The following NRXN1 variants were observed in gnomAD, a reference collection of about 807,000 sequenced individuals.
NRXN1 encodes neurexin 1.
A neutral mutation model predicts 150.9 loss-of-function variants in NRXN1; 39 were observed. The observed-to-expected ratio is 0.26, with a 90% CI of 0.20 to 0.34. NRXN1 has a LOEUF of 0.34. NRXN1 is among the 10% of genes least tolerant of loss of function. The probability of loss-of-function intolerance (pLI) is 1.00; values close to 1 mark genes in which losing one functional copy is unlikely to be tolerated. For missense variants in NRXN1, 1,815 were observed against 1,949.9 expected, an observed-to-expected ratio of 0.93 and a Z score of 1.30; for synonymous variants, 924 against 757.0, an observed-to-expected ratio of 1.22 and a Z score of -3.62.
intron 10 of NRXN1, among the ~76,000 whole-genome samples, chr2:50,532,685 A>G (rs2093149531): frequency 6.6e-6 from 1 of 152,094 alleles, no homozygotes; most frequent in African/African-American, 2.4e-5. Context: ...GCTTGTGAGG[A>G]TGTTTGTTAC....
Position 50,574,724 on chromosome 2 carries a change from T to C in NRXN1, c.1321-21699A>G, listed in dbSNP as rs75596146. 1.6e-4 allele frequency among the ~76,000 whole-genome samples: 24 copies of C among 152,332 alleles called. No homozygotes were observed. The East Asian group carries it at 2.3e-3, about 15-fold the overall frequency. Reference sequence around the variant, plus strand: ...TTCCCCTATGCTGTCAGGATTTGCATTGACAACACCATACGGTAGTATTCT... The same window carrying C: ...TTCCCCTATGCTGTCAGGATTTGCACTGACAACACCATACGGTAGTATTCT... On this transcript the variant is annotated intron_variant, in intron 8 of 22. Coordinates refer to ENST00000401669, the MANE Select transcript of NRXN1 (RefSeq NM_001330078.2).
rs145466093 is a variant in NRXN1 at position 50,055,870 on chromosome 2, C to A, written c.3719-826G>T. 3.2e-3 allele frequency among the ~76,000 whole-genome samples: 487 copies of A among 152,290 alleles called. 4 individuals carry two copies. The highest frequency in any genetic ancestry group is 0.011 in the African/African-American group (465 of 41,572). On this transcript the variant is annotated intron_variant, in intron 19 of 22. Coordinates refer to ENST00000401669, the MANE Select transcript of NRXN1 (RefSeq NM_001330078.2). ...CAGCTTAAGGAACGAATATAAGCCA[C>A]AAACAGTGGCCCCTATTCATAGATC...
At chr2:50,780,793 C>T (rs1290612825) in intron 5 of NRXN1, among the ~76,000 whole-genome samples, 1 of 152,066 alleles carries the variant, frequency 6.6e-6, no homozygotes, top group East Asian at 1.9e-4. Flanking sequence ...TGACTAATCT[C>T]CATTAAAATG....
chr2:50,763,664 C>T (rs554788023), intron 5 of NRXN1, among the ~76,000 whole-genome samples: 1 of 151,960 alleles, frequency 6.6e-6, no homozygotes, highest in Admixed American at 6.6e-5. Flanking sequence ...TCAAAAGATT[C>T]CTCTTTCTAG....
chr2:50,251,009 T>TAATAAATTTATTACACATTGCATAA (rs202206275), intron 17 of NRXN1, among the ~76,000 whole-genome samples: 6 of 147,920 alleles, frequency 4.1e-5, no homozygotes, highest in African/African-American at 1.5e-4. Flanking sequence ...ATTGCATATG[T>TAATAAATTTATTACACATTGCATAA]GTAATATTAC....
At position 50,563,530 on chromosome 2, in the gene NRXN1, T is replaced by A. The variant is rs140034654; in HGVS notation, c.1321-10505A>T. 2.0e-3 allele frequency among the ~76,000 whole-genome samples: 304 copies of A among 152,230 alleles called. 7 individuals carry two copies. Among genetic ancestry groups the A allele is most frequent in the East Asian group, 0.016 (83 of 5,162 alleles). ...TATAGGAGTTATCTGGTAAATGAGA[T>A]GAATTATTCTCAGTGAAGAAGAAAG... On this transcript the variant is annotated intron_variant, in intron 8 of 22. Transcript: ENST00000401669.
At chr2:50,957,940 G>C (rs1692529402) in intron 2 of NRXN1, among the ~76,000 whole-genome samples, 1 of 151,822 alleles carries the variant, frequency 6.6e-6, no homozygotes, top group Admixed American at 6.6e-5. Context: ...AAAAAACAAG[G>C]GATCATTCAA....
At chr2:50,378,589 C>T (rs1222326071) in intron 17 of NRXN1, among the ~76,000 whole-genome samples, 3 of 152,042 alleles carry the variant, frequency 2.0e-5, no homozygotes, top group Non-Finnish European at 4.4e-5. Context: ...AGTTGCACCA[C>T]CGTAAAGTTG....
At chr2:50,280,791 T>C (rs2071326766) in intron 17 of NRXN1, among the ~76,000 whole-genome samples, 3 of 152,174 alleles carry the variant, frequency 2.0e-5, no homozygotes, top group Admixed American at 2.0e-4. Flanking sequence ...ATGCTCCTAT[T>C]GAGCCTTTCC....
intron 17 of NRXN1, among the ~76,000 whole-genome samples, chr2:50,446,398 C>T (rs1038177951): frequency 5.3e-5 from 7 of 133,320 alleles, no homozygotes; most frequent in Non-Finnish European, 9.5e-5. Context: ...CTATCTCCCC[C>T]TGCTTGCCCC....
intron 17 of NRXN1, among the ~76,000 whole-genome samples, chr2:50,322,049 A>G (rs371125982): frequency 6.6e-6 from 1 of 151,844 alleles, no homozygotes; most frequent in African/African-American, 2.4e-5. Context: ...AAAAAAAAAA[A>G]AAACAGTCTG....
chr2:50,984,236 C>T lies in NRXN1; in HGVS notation c.772+43266G>A, dbSNP rs184246982. On this transcript the variant is annotated intron_variant, in intron 2 of 22. Transcript: ENST00000401669. Reference sequence around the variant, plus strand: ...CTGACCTCAGGTGATCCACCCACGTCGGCCTCCCAAAGTGTTGGGATTACA... The same window carrying T: ...CTGACCTCAGGTGATCCACCCACGTTGGCCTCCCAAAGTGTTGGGATTACA... 7.4e-4 allele frequency among the ~76,000 whole-genome samples: 110 copies of T among 148,752 alleles called. 1 individual carries two copies. The highest frequency in any genetic ancestry group is 2.6e-3 in the African/African-American group (105 of 40,436).
intron 2 of NRXN1, among the ~76,000 whole-genome samples, chr2:50,967,952 T>A (rs1185385601): frequency 6.6e-6 from 1 of 152,092 alleles, no homozygotes; most frequent in African/African-American, 2.4e-5. Context: ...GGATAATGAT[T>A]ACACTTCTCA....
chr2:50,824,637 T>C (rs921195732), intron 5 of NRXN1, among the ~76,000 whole-genome samples: 1 of 152,150 alleles, frequency 6.6e-6, no homozygotes, highest in African/African-American at 2.4e-5. Flanking sequence ...GCCAGAGGCA[T>C]AGTCAAAGGT....
Position 50,346,871 on chromosome 2 carries a change from C to T in NRXN1, c.3365-109901G>A. 2 of 1,242,590 alleles carry T rather than the reference C, an allele frequency of 1.6e-6. No individual in the cohort carries two copies. The highest frequency in any genetic ancestry group is 1.0e-6 in the Non-Finnish European group (1 of 991,286). 77.0% of individuals were successfully genotyped at this position (1,242,590 alleles called of 1,614,324 possible). ...CAAAGCAGGGCCAGGCGCCCCCCTG[C>T]GCCGCCGCCGCCGCCGCCGCCGCCG... On this transcript the variant is annotated intron_variant, in intron 17 of 22. Coordinates refer to ENST00000401669, the MANE Select transcript of NRXN1 (RefSeq NM_001330078.2). This position sits in a 1 kb window ranked among gnomAD's most constrained non-coding sequence, Gnocchi z 5.0.
intron 21 of NRXN1, among the ~76,000 whole-genome samples, chr2:49,966,292 C>T (rs1190946002): frequency 6.6e-6 from 1 of 152,010 alleles, no homozygotes; most frequent in Non-Finnish European, 1.5e-5. Flanking sequence ...TTCTAGGACT[C>T]GAAATGAGCA....
intron 8 of NRXN1, among the ~76,000 whole-genome samples, chr2:50,591,220 G>A (rs191935930): frequency 1.8e-4 from 27 of 151,686 alleles, no homozygotes; most frequent in South Asian, 6.3e-4. Flanking sequence ...CATTTTATCC[G>A]AACTTGGTTT....
chr2:50,761,016 C>T (rs1701741073), intron 5 of NRXN1, among the ~76,000 whole-genome samples: 2 of 151,964 alleles, frequency 1.3e-5, no homozygotes, highest in South Asian at 2.1e-4. Context: ...ACCTTGCTTG[C>T]TGAATGACCT....
intron 17 of NRXN1, among the ~76,000 whole-genome samples, chr2:50,391,425 G>A (rs1486142115): frequency 1.3e-5 from 2 of 151,980 alleles, no homozygotes; most frequent in African/African-American, 4.8e-5. Context: ...TAATTATAGT[G>A]CTTTAAAAAT....
Sources: gnomAD v4.1 joint callset for allele counts (sites outside exome capture counted in the v4.1 genomes callset) on GRCh38, gnomAD v4.1.1 for gene constraint, Gnocchi (gnomAD v3.1) non-coding constraint, MANE v1.5 for transcripts, NCBI Gene and HGNC (gene_info 2026-07-23, HGNC 2026-07-21) for gene names.